Variants in ANKAR observed in about 807,000 individuals in gnomAD.
The protein encoded by ANKAR is ankyrin and armadillo repeat containing, also known as ankyrin and armadillo repeat-containing protein.
ANKAR carries 136 observed loss-of-function variants against 146.2 expected under a neutral mutation model. The ratio of observed to expected loss-of-function variants is 0.93; its 90% confidence interval spans 0.81 to 1.07. The LOEUF is 1.07. ANKAR is among the 50% of genes least tolerant of loss of function. ANKAR has a pLI of 0.00. For missense variants in ANKAR, 1,567 were observed against 1,679.9 expected, an observed-to-expected ratio of 0.93 and a Z score of 1.18; for synonymous variants, 500 against 575.8, an observed-to-expected ratio of 0.87 and a Z score of 1.88.
At chr2:189,690,473 C>T (rs528777107) in intron 3 of ANKAR, among the ~76,000 whole-genome samples, 43 of 152,134 alleles carry the variant, frequency 2.8e-4, no homozygotes, top group African/African-American at 9.6e-4. Flanking sequence ...ACAAATAGAG[C>T]AATGTAAGAG....
chr2:189,734,894 G>A (rs1477385620), intron 17 of ANKAR, among the ~76,000 whole-genome samples: 1 of 151,828 alleles, frequency 6.6e-6, no homozygotes, highest in Non-Finnish European at 1.5e-5. Flanking sequence ...AACCTGGGAG[G>A]TGAAGATTGC....
chr2:189,743,283 A>G lies in ANKAR; in HGVS notation c.3819A>G (p.Ala1273=), dbSNP rs1356981188. The change falls in exon 21 of 23, where the codon GCA becomes GCG. Residue 1273 remains alanine (A), a synonymous_variant. Coordinates refer to ENST00000684021, the MANE Select transcript of ANKAR (RefSeq NM_001378068.1). ...ATTGTTTCTTCATTTAGGTTCGTGC[A>G]GCTTGTTCCTCTGCTCTTGGCTACT... ...HLYSGIEEVR[A]ACSSALGYLT... is the part of the protein sequence containing the mutation. 1.2e-6 allele frequency: 2 copies of G among 1,613,244 alleles called. No homozygotes were observed. Among genetic ancestry groups the G allele is most frequent in the African/African-American group, 1.3e-5 (1 of 74,924 alleles).
intron 18 of ANKAR, among the ~76,000 whole-genome samples, chr2:189,760,608 T>A (rs555951211): frequency 6.6e-6 from 1 of 152,014 alleles, no homozygotes; most frequent in Non-Finnish European, 1.5e-5. Flanking sequence ...CTGGCCAACA[T>A]GGTGAAACCC....
At position 189,744,932 on chromosome 2, in the gene ANKAR, C is replaced by T. The variant is rs2043835887; in HGVS notation, c.4057+144C>T. 5 of 574,302 alleles carry T rather than the reference C, an allele frequency of 8.7e-6. No homozygotes were observed. In the South Asian group the frequency reaches 9.2e-5, roughly 11 times the overall value. 35.6% of individuals were successfully genotyped at this position (574,302 alleles called of 1,614,324 possible). ...CAGCACTTTGGGAGGCCGAGGTGGG[C>T]AGATCACTTGAGGTCAGGAGTTCAA... On this transcript the variant is annotated intron_variant, in intron 22 of 22. Transcript: ENST00000684021.
chr2:189,743,009 G>T (rs535024494), intron 20 of ANKAR, among the ~76,000 whole-genome samples: 2 of 141,342 alleles, frequency 1.4e-5, no homozygotes, highest in East Asian at 4.2e-4. Context: ...TTTAGTTGGT[G>T]GGCTTTTTTT....
intron 2 of ANKAR, among the ~76,000 whole-genome samples, chr2:189,686,856 A>C (rs997061543): frequency 6.6e-6 from 1 of 152,120 alleles, no homozygotes; most frequent in African/African-American, 2.4e-5. Context: ...TTGTGGGTAC[A>C]TAGCAGGTAT....
chr2:189,732,681 AAAAG>A (rs1361185511), intron 16 of ANKAR, among the ~76,000 whole-genome samples: 4 of 151,656 alleles, frequency 2.6e-5, no homozygotes, highest in African/African-American at 9.7e-5. Flanking sequence ...AAAAAAAAAA[AAAAG>A]GTGCTGCATT....
intron 12 of ANKAR, among the ~76,000 whole-genome samples, chr2:189,725,279 TACAC>T (rs10546393): frequency 0.1 from 15,289 of 146,428 alleles, 965 homozygotes; most frequent in African/African-American, 0.18. Context: ...TATGGATTTA[TACAC>T]ACACACACAC....
intron 7 of ANKAR, among the ~76,000 whole-genome samples, chr2:189,700,073 C>G (rs180767587): frequency 2.0e-5 from 3 of 151,380 alleles, no homozygotes; most frequent in Admixed American, 6.6e-5. Flanking sequence ...CTCGTCCTTC[C>G]TTTATGTTAT....
rs116849181 is a variant in ANKAR, at chr2:189,687,263, G to A, written c.602-2264G>A. 1.1e-3 allele frequency among the ~76,000 whole-genome samples: 172 copies of A among 152,090 alleles called. 1 individual carries two copies. In the East Asian group the frequency reaches 0.03, roughly 27 times the overall value. ...CATGGCTTATTTCATTTAACATAAT[G>A]TCCTCCAGTTTCATCAAAGTTGTTG... On this transcript the variant is annotated intron_variant, in intron 2 of 22. Transcript: ENST00000684021.
At chr2:189,711,176 C>A in intron 10 of ANKAR, 23 bp downstream of exon 10, 1 of 1,534,756 alleles carries the variant, frequency 6.5e-7, no homozygotes, top group Non-Finnish European at 9.0e-7. Flanking sequence ...CTATTAATAA[C>A]TTTTTATGCT....
intron 2 of ANKAR, among the ~76,000 whole-genome samples, chr2:189,681,016 C>T (rs202051464): frequency 2.6e-5 from 4 of 151,818 alleles, no homozygotes; most frequent in African/African-American, 7.3e-5. Flanking sequence ...GACATTCTGA[C>T]GAAATTGTGT....
chr2:189,756,227 T>C (rs2046060108), intron 18 of ANKAR, among the ~76,000 whole-genome samples: 1 of 152,190 alleles, frequency 6.6e-6, no homozygotes, highest in African/African-American at 2.4e-5. Flanking sequence ...TTTGGGAATC[T>C]GGTGCTCAGA....
chr2:189,690,970 A>G (rs1452271903), intron 3 of ANKAR, among the ~76,000 whole-genome samples: 1 of 152,196 alleles, frequency 6.6e-6, no homozygotes, highest in Non-Finnish European at 1.5e-5. Flanking sequence ...ATATTTCTCA[A>G]AATACATTAT....
chr2:189,719,934 G>A, intron 11 of ANKAR, 121 bp downstream of exon 11: 1 of 1,141,122 alleles, frequency 8.8e-7, no homozygotes. Context: ...ATACAGCAGG[G>A]AAAAGGGAGA....
intron 16 of ANKAR, among the ~76,000 whole-genome samples, chr2:189,732,544 C>A (rs935601192): frequency 9.9e-5 from 15 of 151,700 alleles, no homozygotes; most frequent in Admixed American, 2.0e-4. Context: ...ACCTGTAATC[C>A]CAGCTACTCG....
chr2:189,742,959 CACACACACACACACACACACA>C (rs2043576125), intron 20 of ANKAR, among the ~76,000 whole-genome samples: 8 of 144,120 alleles, frequency 5.6e-5, no homozygotes, highest in African/African-American at 1.6e-4. Context: ...CACACACACA[CACACACACACACACACACACA>C]CCCCTGAAAG....
At position 189,706,965 on chromosome 2, in the gene ANKAR, T is replaced by C. The variant is rs745974047; in HGVS notation, c.1938T>C (p.Ala646=). The change falls in exon 9 of 23, where the codon GCT becomes GCC. Residue 646 remains alanine, a synonymous_variant. Transcript: ENST00000684021. ...AENQCTPLLL[A]ATSGALDTIQ... The stretch of plus-strand genomic sequence containing the variant: ...ATCAGTGCACTCCACTGTTACTTGC[T>C]GCCACTTCAGGAGCACTGGACACTA... 6.2e-7 allele frequency: 1 copy of C among 1,612,980 alleles called. No individual in the cohort carries two copies. The highest frequency in any genetic ancestry group is 2.2e-5 in the East Asian group (1 of 44,858).
chr2:189,744,548 A>G (rs143548107), intron 21 of ANKAR, among the ~76,000 whole-genome samples, 194 bp from the exon 22 acceptor site: 1 of 152,286 alleles, frequency 6.6e-6, no homozygotes, highest in African/African-American at 2.4e-5. Flanking sequence ...TGTTTGGAGT[A>G]AATAAGTGAG....
Sources: gnomAD v4.1 joint callset for allele counts (sites outside exome capture counted in the v4.1 genomes callset) on GRCh38, gnomAD v4.1.1 for gene constraint, MANE v1.5 for transcripts, NCBI Gene and HGNC (gene_info 2026-07-23, HGNC 2026-07-21) for gene names.